The following TMEM131 variants were observed in gnomAD, a reference collection of about 807,000 sequenced individuals.
TMEM131 encodes the protein 2610524E03Rik.
A neutral mutation model predicts 211.6 loss-of-function variants in TMEM131; 66 were observed. That is an observed-to-expected ratio of 0.31 (90% confidence interval 0.26 to 0.38). The LOEUF (loss-of-function observed/expected upper bound fraction) is 0.38, where lower values mean the gene tolerates loss of function less well. Ranked by LOEUF, TMEM131 falls within the 10% of genes least tolerant of loss-of-function variation. The pLI, the probability that TMEM131 is intolerant of heterozygous loss-of-function variation, is 1.00. For missense variants in TMEM131, 2,036 were observed against 2,299.3 expected (o/e 0.89, Z 2.34); for synonymous variants, 844 against 841.3 (o/e 1.00, Z -0.06).
At chr2:97,937,491 T>C (rs1402893583) in intron 1 of TMEM131, among the ~76,000 whole-genome samples, 2 of 152,170 alleles carry the variant, frequency 1.3e-5, no homozygotes, top group Non-Finnish European at 2.9e-5. Context: ...ATTTGAAGAA[T>C]AGGTGACATT....
chr2:97,841,523 A>G lies in TMEM131; in HGVS notation c.723+292T>C, dbSNP rs1164726160. On this transcript the variant is annotated intron_variant, in intron 7 of 40. Coordinates refer to ENST00000186436, the MANE Select transcript of TMEM131 (RefSeq NM_015348.2). ...GAAAAAAAGCAGCCTTGTGTAGCTA[A>G]AAACTCTTCTTTAAATGCAGAGCTG... Among the ~76,000 whole-genome samples, 4 of 152,204 alleles carry G rather than the reference A, an allele frequency of 2.6e-5. No homozygotes were observed. The East Asian group carries it at 7.7e-4, about 29-fold the overall frequency.
At chr2:97,771,969 C>A (rs901167946) in intron 33 of TMEM131, among the ~76,000 whole-genome samples, 2 of 152,228 alleles carry the variant, frequency 1.3e-5, no homozygotes, top group Non-Finnish European at 2.9e-5. Flanking sequence ...GTGGTTCAAT[C>A]GTCAAGGTCA....
intron 1 of TMEM131, among the ~76,000 whole-genome samples, chr2:97,950,561 G>A (rs1503203): frequency 0.025 from 3,816 of 152,220 alleles, 164 homozygotes; most frequent in African/African-American, 0.088. Flanking sequence ...TCAGGACAGG[G>A]TCTCTTTACC....
Position 97,766,104 on chromosome 2 carries a change from C to G in TMEM131, c.4723+10G>C. 8 of 1,613,872 alleles carry G rather than the reference C, an allele frequency of 5.0e-6. No homozygotes were observed. The highest frequency in any genetic ancestry group is 6.8e-6 in the Non-Finnish European group (8 of 1,179,784). ...GTGGAGCCCTGTGGTTTCTAAACTA[C>G]TATACTTACAGCTGCCAGGTTTGTG... On this transcript the variant is annotated intron_variant, in intron 35 of 40. Transcript: ENST00000186436.
chr2:97,913,135 TCG>T (rs1676357948), intron 2 of TMEM131: 1 of 152,122 alleles, frequency 6.6e-6, no homozygotes, highest in African/African-American at 2.4e-5. Flanking sequence ...TTTTTGTTTG[TCG>T]CAAATCAGGG....
At chr2:97,884,988 T>C (rs1415096078) in intron 4 of TMEM131, among the ~76,000 whole-genome samples, 1 of 152,236 alleles carries the variant, frequency 6.6e-6, no homozygotes, top group Non-Finnish European at 1.5e-5. Flanking sequence ...CTTCTTTTCT[T>C]ATGGTTTTTC....
chr2:97,831,186 T>C (rs569231116), intron 11 of TMEM131, among the ~76,000 whole-genome samples: 1 of 152,328 alleles, frequency 6.6e-6, no homozygotes, highest in Admixed American at 6.5e-5. Context: ...GTAAGTTCAC[T>C]CTCCACAAAG....
chr2:97,797,364 C>T lies in TMEM131; in HGVS notation c.2870+1G>A. The T allele has an allele frequency of 6.2e-7, 1 of 1,600,228 alleles. No homozygotes were observed. Among genetic ancestry groups the T allele is most frequent in the Non-Finnish European group, 8.5e-7 (1 of 1,174,976 alleles). On this transcript the variant is annotated splice_donor_variant, in intron 26 of 40. Transcript: ENST00000186436. LOFTEE classifies it high-confidence loss of function. ...ACCCACACCTATATCACAGAACCTA[C>T]CTGACTATGATAAGTGAAGAAACAG...
chr2:97,955,466 TA>T (rs1678524972), intron 1 of TMEM131, among the ~76,000 whole-genome samples: 1 of 151,942 alleles, frequency 6.6e-6, no homozygotes, highest in Non-Finnish European at 1.5e-5. Context: ...GCAAGGAAAA[TA>T]AAATGCATAC....
chr2:97,875,493 G>A (rs915322465), intron 4 of TMEM131, among the ~76,000 whole-genome samples: 1 of 152,016 alleles, frequency 6.6e-6, no homozygotes, highest in Admixed American at 6.6e-5. Flanking sequence ...ACATATGCAA[G>A]ATAACAGAAA....
At position 97,882,455 on chromosome 2, in the gene TMEM131, C is replaced by CT. The variant is rs200728918; in HGVS notation, c.359+5596dup. 7.8e-4 allele frequency among the ~76,000 whole-genome samples: 119 copies of CT among 152,312 alleles called. No homozygotes were observed. In the East Asian group the frequency reaches 0.019, roughly 24 times the overall value. On this transcript the variant is annotated intron_variant, in intron 4 of 40. Coordinates refer to ENST00000186436, the MANE Select transcript of TMEM131 (RefSeq NM_015348.2). ...ACGATTATTCTAGGTGAGTCTGTGA[C>CT]TTTGTCACTGGGAAGCACTTTCAAA...
At chr2:97,969,907 T>C (rs1357660179) in intron 1 of TMEM131, among the ~76,000 whole-genome samples, 5 of 152,218 alleles carry the variant, frequency 3.3e-5, no homozygotes, top group Non-Finnish European at 7.3e-5. Context: ...TTCACAACGA[T>C]CTGTCTGATG....
Position 97,827,277 on chromosome 2 carries a change from A to C in TMEM131, c.1074+6088T>G, listed in dbSNP as rs1407065684. On this transcript the variant is annotated intron_variant, in intron 11 of 40. Coordinates refer to ENST00000186436, the MANE Select transcript of TMEM131 (RefSeq NM_015348.2). ...CCAAGAGGAAGGTCAGCTCCGCTGA[A>C]GCCGCTGCCAAGGAAGAGCCCAAGA... 17 of 782,224 alleles carry C rather than the reference A, an allele frequency of 2.2e-5. No individual in the cohort carries two copies. In the Admixed American group the frequency reaches 2.9e-4, roughly 13 times the overall value. The allele number at this position is 782,224 out of a possible 1,614,324, so 48.5% of individuals were successfully genotyped here.
intron 1 of TMEM131, among the ~76,000 whole-genome samples, chr2:97,979,813 TCTC>T (rs1679706356): frequency 6.6e-6 from 1 of 152,182 alleles, no homozygotes; most frequent in South Asian, 2.1e-4. Flanking sequence ...TTAAAGAACT[TCTC>T]CTTTGCATTC....
At chr2:97,849,715 CTCTT>C (rs1479295553) in intron 5 of TMEM131, among the ~76,000 whole-genome samples, 16 of 122,178 alleles carry the variant, frequency 1.3e-4, no homozygotes, top group South Asian at 4.7e-4. Flanking sequence ...ATCTCTCTCT[CTCTT>C]TTTTTTTTTT....
chr2:97,759,794 G>A (rs762078195), intron 38 of TMEM131, 45 bp from the exon 39 acceptor site: 13 of 1,440,770 alleles, frequency 9.0e-6, no homozygotes, highest in African/African-American at 1.4e-5. Flanking sequence ...AATGTATGGT[G>A]GTTAGTGCAA....
Position 97,807,781 on chromosome 2 carries a change from T to C in TMEM131, c.2055+1907A>G, listed in dbSNP as rs144063418. Among the ~76,000 whole-genome samples the C allele has an allele frequency of 6.0e-4, 91 of 152,288 alleles. 1 individual carries two copies. Among genetic ancestry groups the C allele is most frequent in the African/African-American group, 1.9e-3 (80 of 41,548 alleles). ...GTTTACGCAGAGATTAAGGACATCA[T>C]TGATTGAGAAGGTAATGGAAGGAAG... On this transcript the variant is annotated intron_variant, in intron 19 of 40. Transcript: ENST00000186436.
chr2:97,953,556 C>T (rs1418765915), intron 1 of TMEM131, among the ~76,000 whole-genome samples: 6 of 152,088 alleles, frequency 3.9e-5, no homozygotes, highest in African/African-American at 1.4e-4. Context: ...ACTGATAAAG[C>T]TAAATTACAG....
At chr2:97,856,752 C>T (rs1673863835) in intron 5 of TMEM131, among the ~76,000 whole-genome samples, 1 of 152,092 alleles carries the variant, frequency 6.6e-6, no homozygotes, top group Non-Finnish European at 1.5e-5. Context: ...TTTCTTCCCC[C>T]AAGAGTTCAT....
Sources: allele counts gnomAD v4.1 joint callset (sites outside exome capture counted in the v4.1 genomes callset), GRCh38; gene constraint gnomAD v4.1.1; transcripts MANE v1.5; gene names NCBI Gene and HGNC (gene_info 2026-07-23, HGNC 2026-07-21).